The following LRBA variants were observed in gnomAD, a reference collection of about 807,000 sequenced individuals.
LRBA encodes LPS responsive beige-like anchor protein.
In LRBA, 176 loss-of-function variants were observed where a neutral mutation model predicts 330.0. That is an observed-to-expected ratio of 0.53 (90% CI 0.47 to 0.60). The LOEUF (loss-of-function observed/expected upper bound fraction) is 0.60. LRBA is among the 20% of genes least tolerant of loss of function. The pLI, the probability that LRBA is intolerant of heterozygous loss-of-function variation, is 0.00. For missense variants in LRBA, 3,259 were observed against 3,444.8 expected, an observed-to-expected ratio of 0.95 and a Z score of 1.35; for synonymous variants, 1,230 against 1,193.0, an observed-to-expected ratio of 1.03 and a Z score of -0.64.
At chr4:150,781,037 G>T (rs905792227) in intron 34 of LRBA, among the ~76,000 whole-genome samples, 8 of 151,824 alleles carry the variant, frequency 5.3e-5, no homozygotes, top group African/African-American at 1.9e-4. Context: ...CCACCACCAC[G>T]CCTGGCTAAT....
intron 38 of LRBA, among the ~76,000 whole-genome samples, chr4:150,592,144 G>GTTT (rs10685627): frequency 0.041 from 2,659 of 65,168 alleles, 651 homozygotes; most frequent in African/African-American, 0.072. Context: ...GATGGCTAGG[G>GTTT]TTTTTTTTTT....
At chr4:150,731,891 T>C (rs909328002) in intron 36 of LRBA, among the ~76,000 whole-genome samples, 1 of 152,180 alleles carries the variant, frequency 6.6e-6, no homozygotes, top group Non-Finnish European at 1.5e-5. Flanking sequence ...AAGAGATGGA[T>C]ACCCAATATT....
At chr4:150,961,557 A>G (rs1738149388) in intron 2 of LRBA, among the ~76,000 whole-genome samples, 2 of 149,286 alleles carry the variant, frequency 1.3e-5, no homozygotes, top group Admixed American at 6.6e-5. Context: ...TAAAAATACC[A>G]GTCTTATTAT....
At chr4:150,952,316 A>T (rs1290604263) in intron 2 of LRBA, among the ~76,000 whole-genome samples, 1 of 152,184 alleles carries the variant, frequency 6.6e-6, no homozygotes, top group Non-Finnish European at 1.5e-5. Flanking sequence ...AAATGAAGAC[A>T]GATGCTGATA....
At chr4:150,619,625 T>C (rs1414322820) in intron 37 of LRBA, among the ~76,000 whole-genome samples, 1 of 152,178 alleles carries the variant, frequency 6.6e-6, no homozygotes, top group African/African-American at 2.4e-5. Context: ...TATAATTTTG[T>C]TATTCCTAAG....
intron 46 of LRBA, among the ~76,000 whole-genome samples, chr4:150,432,519 G>C (rs1193851249): frequency 1.4e-5 from 2 of 139,702 alleles, no homozygotes; most frequent in Non-Finnish European, 3.0e-5. Context: ...GTGCAGTGGC[G>C]CTATCTCGGC....
intron 47 of LRBA, among the ~76,000 whole-genome samples, chr4:150,401,486 A>G (rs1043271261): frequency 1.3e-5 from 2 of 152,186 alleles, no homozygotes; most frequent in Non-Finnish European, 2.9e-5. Flanking sequence ...ATGTTAAGTG[A>G]GGACTTACTA....
At chr4:150,873,640 A>G (rs570335729) in intron 17 of LRBA, among the ~76,000 whole-genome samples, 12 of 152,234 alleles carry the variant, frequency 7.9e-5, no homozygotes, top group Non-Finnish European at 1.2e-4. Flanking sequence ...TGATTTTAGT[A>G]TAAGTAAAGT....
chr4:150,985,607 T>C (rs1741368988), intron 2 of LRBA, among the ~76,000 whole-genome samples: 1 of 152,084 alleles, frequency 6.6e-6, no homozygotes, highest in South Asian at 2.1e-4. Context: ...CACGCCGTTC[T>C]CCTGCCTCAG....
At chr4:150,814,434 C>G (rs987174181) in intron 31 of LRBA, among the ~76,000 whole-genome samples, 2 of 151,754 alleles carry the variant, frequency 1.3e-5, no homozygotes, top group Admixed American at 6.6e-5. Context: ...TTTTTCTTAT[C>G]AAGGCAGTAA....
intron 4 of LRBA, among the ~76,000 whole-genome samples, chr4:150,927,952 G>A (rs1388642784): frequency 6.6e-6 from 1 of 152,084 alleles, no homozygotes; most frequent in East Asian, 1.9e-4. Context: ...AAATAAGATT[G>A]GAAATGCAAC....
intron 48 of LRBA, among the ~76,000 whole-genome samples, chr4:150,326,926 A>G (rs1733354597): frequency 6.6e-6 from 1 of 152,204 alleles, no homozygotes; most frequent in African/African-American, 2.4e-5. Context: ...TGAGGTAGGG[A>G]CTAGGATCAT....
rs1783103537 is a variant in LRBA at position 150,682,097 on chromosome 4, G to A, written c.5921+1454C>T. On this transcript the variant is annotated intron_variant, in intron 37 of 56. Transcript: ENST00000651943. ...TTATTTTAAAACTGCAAAACCTTTT[G>A]GGTGAAAAGAATAACTTTTTAAAAA... Among the ~76,000 whole-genome samples, 3 of 152,078 alleles carry A rather than the reference G, an allele frequency of 2.0e-5. No homozygotes were observed. In the South Asian group the frequency reaches 6.2e-4, roughly 32 times the overall value.
intron 2 of LRBA, among the ~76,000 whole-genome samples, chr4:150,974,932 T>C (rs539220081): frequency 2.0e-5 from 3 of 152,136 alleles, no homozygotes; most frequent in East Asian, 1.9e-4. Context: ...CCACTACATA[T>C]AGAAAGCAGG....
At chr4:150,794,782 T>C (rs566882890) in intron 34 of LRBA, among the ~76,000 whole-genome samples, 6 of 152,166 alleles carry the variant, frequency 3.9e-5, no homozygotes, top group African/African-American at 1.4e-4. Context: ...CCAGACTACA[T>C]GGTGCTTCTA....
At chr4:150,388,374 C>G (rs75738806) in intron 47 of LRBA, among the ~76,000 whole-genome samples, 1 of 152,200 alleles carries the variant, frequency 6.6e-6, no homozygotes, top group Non-Finnish European at 1.5e-5. Flanking sequence ...CTTTATCACA[C>G]GCAAAATGCA....
Position 150,697,325 on chromosome 4 carries a change from G to GAAAAAAAAAAAAAAAAAAAA in LRBA, c.5755-13628_5755-13609dup, listed in dbSNP as rs60145657. ...GGTGACAGAGTGAGACTTTGTCTCA[G>GAAAAAAAAAAAAAAAAAAAA]AAAAAAAAAAAAAAAAAAAAAAAAA... On this transcript the variant is annotated intron_variant, in intron 36 of 56. Transcript: ENST00000651943. Among the ~76,000 whole-genome samples, 6 of 28,034 alleles carry GAAAAAAAAAAAAAAAAAAAA rather than the reference G, an allele frequency of 2.1e-4. 2 individuals are homozygous for GAAAAAAAAAAAAAAAAAAAA. Among genetic ancestry groups the GAAAAAAAAAAAAAAAAAAAA allele is most frequent in the African/African-American group, 5.3e-4 (4 of 7,584 alleles). The allele number at this position is 28,034 out of a possible 152,430, so 18.4% of individuals were successfully genotyped here. A position where few individuals can be genotyped will look rare whatever the true frequency, so the allele number is the denominator to read the frequency against.
At chr4:150,813,102 G>C (rs1251626323) in intron 31 of LRBA, among the ~76,000 whole-genome samples, 1 of 149,758 alleles carries the variant, frequency 6.7e-6, no homozygotes, top group African/African-American at 2.5e-5. Flanking sequence ...GGCTGCAGTT[G>C]AGCTATGATT....
chr4:150,299,223 T>G (rs968086464), intron 53 of LRBA, among the ~76,000 whole-genome samples: 2 of 152,090 alleles, frequency 1.3e-5, no homozygotes, highest in African/African-American at 4.8e-5. Flanking sequence ...CATGCTTTCA[T>G]GTACAAAACA....
Sources: gnomAD v4.1 joint callset for allele counts (sites outside exome capture counted in the v4.1 genomes callset) on GRCh38, gnomAD v4.1.1 for gene constraint, MANE v1.5 for transcripts, NCBI Gene and HGNC (gene_info 2026-07-23, HGNC 2026-07-21) for gene names.